Variants in PMP22 observed in about 807,000 individuals in gnomAD.
PMP22 encodes peripheral myelin protein 22.
Under a neutral mutation model 18.9 loss-of-function variants are expected in PMP22, and 2 were observed. The ratio of observed to expected loss-of-function variants is 0.11; its 90% CI spans 0.04 to 0.33. PMP22 has a LOEUF of 0.33. Among genes scored for constraint, PMP22 ranks in the 10% least tolerant of loss-of-function variants. The pLI, the probability that PMP22 is intolerant of heterozygous loss-of-function variation, is 1.00. For missense variants in PMP22, 169 were observed against 202.2 expected (o/e 0.84, Z 1.00); for synonymous variants, 95 against 89.2 (o/e 1.07, Z -0.37).
intron 3 of PMP22, among the ~76,000 whole-genome samples, chr17:15,249,129 A>G (rs78515566): frequency 0.033 from 4,959 of 152,230 alleles, 301 homozygotes; most frequent in African/African-American, 0.11. Flanking sequence ...CAGTAAACCA[A>G]TGCCCGTTTA....
chr17:15,253,707 C>T (rs1334847305), intron 3 of PMP22, among the ~76,000 whole-genome samples: 2 of 152,134 alleles, frequency 1.3e-5, no homozygotes, highest in African/African-American at 4.8e-5. Context: ...TCAACTACGC[C>T]AAGCTCCTTC....
At chr17:15,231,372 C>T (rs566976365) in intron 4 of PMP22, among the ~76,000 whole-genome samples, 1 of 152,318 alleles carries the variant, frequency 6.6e-6, no homozygotes, top group South Asian at 2.1e-4. Context: ...CCAGGCCACA[C>T]TACATGGCCA....
intron 4 of PMP22, among the ~76,000 whole-genome samples, chr17:15,236,401 C>G (rs539109019): frequency 6.6e-6 from 1 of 152,086 alleles, no homozygotes; most frequent in Admixed American, 6.5e-5. Context: ...GCTGGGCCCA[C>G]CAAGAGGAAG....
chr17:15,232,668 G>A (rs1401856509), intron 4 of PMP22: 2 of 152,292 alleles, frequency 1.3e-5, no homozygotes, highest in African/African-American at 4.8e-5. Context: ...CAGAGTGCTA[G>A]CAGGGCAGGA....
At chr17:15,239,432 C>T in intron 4 of PMP22, 39 bp downstream of exon 4, 3 of 1,611,896 alleles carry the variant, frequency 1.9e-6, no homozygotes, top group Non-Finnish European at 2.5e-6. Flanking sequence ...GACTTGGATG[C>T]ACCCCGCTTC....
At chr17:15,260,351 A>T (rs1909207061) in intron 2 of PMP22, 3 of 452,302 alleles carry the variant, frequency 6.6e-6, no homozygotes, top group Non-Finnish European at 8.1e-6. Context: ...AAGAAAAAAA[A>T]AAGTTAAACA....
At chr17:15,245,999 C>T (rs1178463447) in intron 3 of PMP22, among the ~76,000 whole-genome samples, 2 of 143,756 alleles carry the variant, frequency 1.4e-5, no homozygotes, top group African/African-American at 5.2e-5. Flanking sequence ...CCAGCCTGGG[C>T]GACAGAGCAA....
intron 3 of PMP22, among the ~76,000 whole-genome samples, chr17:15,249,045 C>G (rs1446306238): frequency 6.6e-6 from 1 of 152,092 alleles, no homozygotes; most frequent in Non-Finnish European, 1.5e-5. Context: ...CTTCTTTCCC[C>G]TAAAGTATGA....
intron 3 of PMP22, among the ~76,000 whole-genome samples, chr17:15,241,477 C>T (rs560643196): frequency 6.6e-6 from 1 of 152,284 alleles, no homozygotes; most frequent in Admixed American, 6.5e-5. Flanking sequence ...TGTGCATGTT[C>T]ATGAGGAGTA....
At chr17:15,248,487 T>C (rs1015832232) in intron 3 of PMP22, among the ~76,000 whole-genome samples, 3 of 152,236 alleles carry the variant, frequency 2.0e-5, no homozygotes, top group Non-Finnish European at 4.4e-5. Context: ...AGGGTCTAGT[T>C]CTGCACTTTG....
chr17:15,237,087 T>C (rs987643486), intron 4 of PMP22, among the ~76,000 whole-genome samples: 6 of 152,358 alleles, frequency 3.9e-5, no homozygotes, highest in African/African-American at 1.4e-4. Flanking sequence ...CATGCGCTTT[T>C]ACATTCGGAA....
chr17:15,239,226 C>T (rs1781619038), intron 4 of PMP22: 1 of 613,100 alleles, frequency 1.6e-6, no homozygotes, highest in Non-Finnish European at 2.9e-6. Flanking sequence ...CTTCCAGATC[C>T]TCTAAGTTCT....
intron 4 of PMP22, 70 bp from the exon 5 acceptor site, chr17:15,231,150 G>C: frequency 6.8e-7 from 1 of 1,465,882 alleles, no homozygotes. Context: ...CCGCCACCCC[G>C]GATGCTGACA....
chr17:15,262,721 A>C (rs1479698580), intron 1 of PMP22: 1 of 152,392 alleles, frequency 6.6e-6, no homozygotes, highest in Non-Finnish European at 1.5e-5. Flanking sequence ...ATGCGCCTCA[A>C]GAAAAAGTCG....
At chr17:15,257,368 T>G (rs773023883) in intron 3 of PMP22, among the ~76,000 whole-genome samples, 38 of 152,234 alleles carry the variant, frequency 2.5e-4, no homozygotes, top group Non-Finnish European at 5.3e-4. Context: ...CTGCTGAAAC[T>G]TCGCCGGGTT....
At chr17:15,247,097 C>T (rs1464699097) in intron 3 of PMP22, among the ~76,000 whole-genome samples, 1 of 126,974 alleles carries the variant, frequency 7.9e-6, no homozygotes, top group East Asian at 2.5e-4. Flanking sequence ...AGGCCGGGCG[C>T]CGTGGCTCAC....
intron 4 of PMP22, among the ~76,000 whole-genome samples, chr17:15,233,308 G>T (rs944218247): frequency 4.6e-5 from 7 of 152,204 alleles, no homozygotes; most frequent in Admixed American, 4.6e-4. Flanking sequence ...CCTGGTAGGG[G>T]CCTGAGTCTG....
chr17:15,256,198 G>A (rs112549350), intron 3 of PMP22, among the ~76,000 whole-genome samples: 3,076 of 152,272 alleles, frequency 0.02, 130 homozygotes, highest in African/African-American at 0.069. Context: ...GATCTGGTGT[G>A]TCTCTTTCAA....
At chr17:15,241,702 T>G (rs983228344) in intron 3 of PMP22, among the ~76,000 whole-genome samples, 16 of 152,200 alleles carry the variant, frequency 1.1e-4, no homozygotes, top group Admixed American at 3.3e-4. Context: ...CTTTCAACAT[T>G]AACTTGAATT....
Sources: gnomAD v4.1 joint callset for allele counts (sites outside exome capture counted in the v4.1 genomes callset) on GRCh38, gnomAD v4.1.1 for gene constraint, MANE v1.5 for transcripts, NCBI Gene and HGNC (gene_info 2026-07-23, HGNC 2026-07-21) for gene names.